COL13A1: variants seen among roughly 807,000 people sequenced by gnomAD.
The protein encoded by COL13A1 is collagen alpha-1(XIII) chain.
COL13A1 carries 89 observed loss-of-function variants against 130.9 expected under a neutral mutation model. That is an observed-to-expected ratio of 0.68 (90% CI 0.57 to 0.81). COL13A1 has a LOEUF of 0.81. Ranked by LOEUF, COL13A1 falls within the 30% of genes least tolerant of loss-of-function variation. COL13A1 has a pLI of 0.00. For missense variants in COL13A1, 879 were observed against 934.6 expected (o/e 0.94, Z 0.78); for synonymous variants, 402 against 341.6 (o/e 1.18, Z -1.95).
At chr10:69,870,248 T>C (rs151119668) in intron 3 of COL13A1, among the ~76,000 whole-genome samples, 6 of 151,966 alleles carry the variant, frequency 3.9e-5, no homozygotes, top group Non-Finnish European at 8.8e-5. Context: ...CCCTAGATGA[T>C]GCCCAAAGGT....
chr10:69,912,572 A>T (rs1207530683), intron 17 of COL13A1, among the ~76,000 whole-genome samples: 1 of 70,888 alleles, frequency 1.4e-5, no homozygotes, highest in African/African-American at 5.2e-5. Flanking sequence ...CCTCCCCGCA[A>T]ACTCCCCACA....
chr10:69,858,098 A>G (rs1856946946), intron 2 of COL13A1, among the ~76,000 whole-genome samples: 2 of 120,604 alleles, frequency 1.7e-5, no homozygotes, highest in South Asian at 5.9e-4. Context: ...CCTGGGTGAC[A>G]GAGCGAGACT....
chr10:69,869,446 T>C (rs1435344077), intron 3 of COL13A1, among the ~76,000 whole-genome samples: 1 of 152,182 alleles, frequency 6.6e-6, no homozygotes, highest in African/African-American at 2.4e-5. Flanking sequence ...AGAATGCTGG[T>C]GGCCAGAGAG....
chr10:69,829,215 C>T (rs889103403), intron 2 of COL13A1: 2 of 985,148 alleles, frequency 2.0e-6, no homozygotes, highest in African/African-American at 3.5e-5. Context: ...TCCACCTCCA[C>T]CGTCATCACC....
chr10:69,840,383 G>A (rs1038088519), intron 2 of COL13A1, among the ~76,000 whole-genome samples: 2 of 152,210 alleles, frequency 1.3e-5, no homozygotes, highest in Non-Finnish European at 2.9e-5. Flanking sequence ...AGAGTGAGCA[G>A]TTTGTTGAAT....
At chr10:69,812,058 T>C (rs2683552) in intron 1 of COL13A1, among the ~76,000 whole-genome samples, 107,190 of 152,008 alleles carry the variant, frequency 0.71, 37,881 homozygotes, top group Non-Finnish European at 0.74. Context: ...ATCCACACAG[T>C]AGCCAGAGGG....
intron 34 of COL13A1, among the ~76,000 whole-genome samples, chr10:69,938,996 C>T (rs2067285399): frequency 6.6e-6 from 1 of 152,180 alleles, no homozygotes; most frequent in Non-Finnish European, 1.5e-5. Context: ...ATGCAAAAGG[C>T]ACAGCGACCA....
intron 2 of COL13A1, among the ~76,000 whole-genome samples, chr10:69,858,153 T>G (rs1340245283): frequency 6.9e-6 from 1 of 145,858 alleles, no homozygotes; most frequent in Non-Finnish European, 1.5e-5. Flanking sequence ...GCCTGGCACA[T>G]GAGAAGAGCT....
intron 2 of COL13A1, among the ~76,000 whole-genome samples, chr10:69,830,758 C>T (rs911490560): frequency 3.9e-5 from 6 of 152,110 alleles, no homozygotes; most frequent in African/African-American, 7.2e-5. Context: ...TTCCCATATA[C>T]AATTGGTCGA....
chr10:69,923,197 C>T (rs758105637), intron 23 of COL13A1, among the ~76,000 whole-genome samples: 6 of 152,168 alleles, frequency 3.9e-5, no homozygotes, highest in African/African-American at 1.4e-4. Context: ...AGGCAAGAGG[C>T]CCCCCACCTT....
Position 69,922,031 on chromosome 10 carries a change from C to T in COL13A1, c.1143+96C>T, listed in dbSNP as rs528509868. On this transcript the variant is annotated intron_variant, in intron 22 of 40. Transcript: ENST00000645393. Reference sequence around the variant, plus strand: ...ACACAGGCCCCAGCATTGGACGTGTCTGTCTCCCAGACTGCAGGAAAGGCA... The same window carrying T: ...ACACAGGCCCCAGCATTGGACGTGTTTGTCTCCCAGACTGCAGGAAAGGCA... The T allele has an allele frequency of 2.1e-6, 3 of 1,428,690 alleles. No homozygotes were observed. In the South Asian group the frequency reaches 4.2e-5, roughly 20 times the overall value. 88.5% of individuals were successfully genotyped at this position (1,428,690 alleles called of 1,614,324 possible).
intron 2 of COL13A1, chr10:69,829,222 C>T: frequency 1.0e-6 from 1 of 985,392 alleles, no homozygotes; most frequent in Non-Finnish European, 1.2e-6. Flanking sequence ...CCACCGTCAT[C>T]ACCCTTGTTC....
At chr10:69,872,122 T>A in intron 3 of COL13A1, 62 bp from the exon 4 acceptor site, 1 of 1,600,138 alleles carries the variant, frequency 6.2e-7, no homozygotes, top group Non-Finnish European at 8.6e-7. Context: ...GTTGAGACAG[T>A]GTTCAACAGT....
intron 1 of COL13A1, among the ~76,000 whole-genome samples, chr10:69,815,847 A>G (rs1004818842): frequency 6.6e-6 from 1 of 151,974 alleles, no homozygotes; most frequent in Non-Finnish European, 1.5e-5. Flanking sequence ...TCGAACTTAC[A>G]TTCCAGTGCT....
intron 26 of COL13A1, 35 bp from the exon 27 acceptor site, chr10:69,927,052 G>A: frequency 6.2e-7 from 1 of 1,613,656 alleles, no homozygotes; most frequent in Non-Finnish European, 8.5e-7. Context: ...CTCTTGGTTT[G>A]CTCTTCAACT....
chr10:69,819,965 C>G (rs1035404181), intron 1 of COL13A1, among the ~76,000 whole-genome samples: 1 of 152,230 alleles, frequency 6.6e-6, no homozygotes, highest in Non-Finnish European at 1.5e-5. Context: ...GCTGTTCCCT[C>G]TGACTGGAAC....
At chr10:69,828,452 C>T (rs1293564794) in intron 2 of COL13A1, among the ~76,000 whole-genome samples, 3 of 152,220 alleles carry the variant, frequency 2.0e-5, no homozygotes, top group African/African-American at 4.8e-5. Context: ...TCCATGGCTC[C>T]TCAGTGCTCA....
Position 69,813,869 on chromosome 10 carries a change from C to T in COL13A1, c.295-8500C>T, listed in dbSNP as rs548501682. ...TGGGGCCAGCACTGAGCAGCCAGGT[C>T]CTGCCTCTGTACCTCCTCACGGAAA... On this transcript the variant is annotated intron_variant, in intron 1 of 40. Coordinates refer to ENST00000645393, the MANE Select transcript of COL13A1 (RefSeq NM_001368882.1). Among the ~76,000 whole-genome samples the T allele has an allele frequency of 6.6e-5, 10 of 152,342 alleles. No homozygotes were observed. In the South Asian group the frequency reaches 2.1e-3, roughly 32 times the overall value.
intron 27 of COL13A1, among the ~76,000 whole-genome samples, chr10:69,928,038 G>A (rs2065605841): frequency 6.6e-6 from 1 of 152,130 alleles, no homozygotes; most frequent in Non-Finnish European, 1.5e-5. Context: ...TATAATCCCA[G>A]CTACTCAGTA....
Sources: allele counts gnomAD v4.1 joint callset (sites outside exome capture counted in the v4.1 genomes callset), GRCh38; gene constraint gnomAD v4.1.1; transcripts MANE v1.5; gene names NCBI Gene and HGNC (gene_info 2026-07-23, HGNC 2026-07-21).